The following PPP2R2B variants were observed in gnomAD, a reference collection of about 807,000 sequenced individuals.
PPP2R2B encodes the protein serine/threonine-protein phosphatase 2A 55 kDa regulatory subunit B beta isoform.
Under a neutral mutation model 46.0 loss-of-function variants are expected in PPP2R2B, and 5 were observed. The observed-to-expected ratio is 0.11, with a 90% confidence interval of 0.06 to 0.23. The LOEUF (loss-of-function observed/expected upper bound fraction) is 0.23, where lower values mean the gene tolerates loss of function less well. Among genes scored for constraint, PPP2R2B ranks in the 10% least tolerant of loss-of-function variants. The pLI, the probability that PPP2R2B is intolerant of heterozygous loss-of-function variation, is 1.00. For synonymous variants in PPP2R2B, 215 were observed against 206.7 expected, an observed-to-expected ratio of 1.04 and a Z score of -0.34; for missense variants, 367 against 575.0, an observed-to-expected ratio of 0.64 and a Z score of 3.70.
intron 2 of PPP2R2B, among the ~76,000 whole-genome samples, chr5:146,794,079 C>T (rs1756374831): frequency 6.6e-6 from 1 of 152,174 alleles, no homozygotes; most frequent in South Asian, 2.1e-4. Context: ...TTGACTCTGT[C>T]CAATAACTCT....
chr5:146,906,083 TA>T (rs1474943808), intron 1 of PPP2R2B, among the ~76,000 whole-genome samples: 1 of 152,092 alleles, frequency 6.6e-6, no homozygotes, highest in Non-Finnish European at 1.5e-5. Context: ...AAGTTCTAAA[TA>T]AAAATTAAGT....
rs115765010 is a variant in PPP2R2B, at chr5:146,690,878, C to T, written c.447+250G>A. ...ACAACAGAGGCTAAGATTATAGTAA[C>T]GTCTGGCAGTGGCCATGTGGGCAAG... On this transcript the variant is annotated intron_variant, in intron 5 of 9. Transcript: ENST00000394411. Among the ~76,000 whole-genome samples the T allele has an allele frequency of 3.4e-3, 515 of 152,302 alleles. 3 individuals carry two copies. Among genetic ancestry groups the T allele is most frequent in the African/African-American group, 0.011 (475 of 41,572 alleles).
At chr5:147,080,880 A>G (rs1757950208) in intron 2 of PPP2R2B, among the ~76,000 whole-genome samples, 1 of 152,090 alleles carries the variant, frequency 6.6e-6, no homozygotes, top group Non-Finnish European at 1.5e-5. Context: ...AATAAAATAA[A>G]TTTCAACAGA....
chr5:147,075,039 G>A (rs1244405685), intron 2 of PPP2R2B, among the ~76,000 whole-genome samples: 1 of 152,138 alleles, frequency 6.6e-6, no homozygotes, highest in Non-Finnish European at 1.5e-5. Flanking sequence ...GAAAGAAAAT[G>A]GTTATATGCT....
At chr5:146,978,138 A>AT (rs1415870522) in intron 1 of PPP2R2B, among the ~76,000 whole-genome samples, 1 of 151,974 alleles carries the variant, frequency 6.6e-6, no homozygotes, top group Non-Finnish European at 1.5e-5. Context: ...GATAATGAGC[A>AT]TTTTTTCATA....
In PPP2R2B at chr5:146,728,231, G is replaced by A. The variant is rs3906861; in HGVS notation, c.71-27089C>T. ...ATGGAGAGATACCAATGTAGCAAAT[G>A]TTACCTATGAGATCTCAGAATCAGG... On this transcript the variant is annotated intron_variant, in intron 2 of 9. Transcript: ENST00000394411. Among the ~76,000 whole-genome samples, 547 of 137,460 alleles carry A rather than the reference G, an allele frequency of 4.0e-3. 3 individuals carry two copies. Among genetic ancestry groups the A allele is most frequent in the East Asian group, 0.017 (72 of 4,252 alleles). 90.2% of individuals were successfully genotyped at this position (137,460 alleles called of 152,430 possible). A position where few individuals can be genotyped will look rare whatever the true frequency, so the allele number is the denominator to read the frequency against.
chr5:146,675,279 A>G (rs969630542), intron 5 of PPP2R2B, among the ~76,000 whole-genome samples: 5 of 152,202 alleles, frequency 3.3e-5, no homozygotes, highest in African/African-American at 1.2e-4. Context: ...TATTTTATAC[A>G]ACATAAATTG....
chr5:146,909,451 G>T (rs753228497), intron 1 of PPP2R2B, among the ~76,000 whole-genome samples: 2 of 152,154 alleles, frequency 1.3e-5, no homozygotes, highest in Non-Finnish European at 2.9e-5. Context: ...CCTCTTAAGA[G>T]GTCAGTAAAG....
intron 2 of PPP2R2B, among the ~76,000 whole-genome samples, chr5:146,843,429 A>T (rs764751861): frequency 3.3e-5 from 5 of 152,228 alleles, no homozygotes; most frequent in African/African-American, 7.2e-5. Context: ...AGAGTAGATA[A>T]GGTTTCAAAT....
At chr5:146,872,874 C>A (rs1344476965) in intron 2 of PPP2R2B, among the ~76,000 whole-genome samples, 1 of 152,216 alleles carries the variant, frequency 6.6e-6, no homozygotes, top group East Asian at 1.9e-4. Context: ...CTTCCTTGTA[C>A]TTTCTCACTC....
At chr5:147,061,052 TC>T (rs1177761807) in intron 2 of PPP2R2B, among the ~76,000 whole-genome samples, 1 of 152,192 alleles carries the variant, frequency 6.6e-6, no homozygotes, top group Admixed American at 6.5e-5. Context: ...AGAAAGAGGA[TC>T]CTCTTTGTGG....
chr5:146,753,345 C>T (rs1026070196), intron 2 of PPP2R2B, among the ~76,000 whole-genome samples: 1 of 152,064 alleles, frequency 6.6e-6, no homozygotes, highest in Admixed American at 6.5e-5. Context: ...TGAATACTCT[C>T]CCACACACAG....
chr5:147,020,164 T>C (rs1249805118), intron 1 of PPP2R2B, among the ~76,000 whole-genome samples: 2 of 152,098 alleles, frequency 1.3e-5, no homozygotes, highest in African/African-American at 4.8e-5. Flanking sequence ...TTTTTCTCCA[T>C]AGTCATTCCT....
rs1033374661 is a variant in PPP2R2B, at chr5:146,583,170, A to G, written c.*6777T>C. The G allele has an allele frequency of 1.3e-5, 2 of 151,886 alleles. No homozygotes were observed. Among genetic ancestry groups the G allele is most frequent in the South Asian group, 2.1e-4 (1 of 4,796 alleles). The allele number at this position is 151,886 out of a possible 1,614,324, so 9.4% of individuals were successfully genotyped here. A position where few individuals can be genotyped will look rare whatever the true frequency, so the allele number is the denominator to read the frequency against. Reference sequence around the variant, plus strand: ...TTCTCCTGGATAACTCACTCCCTTTATCTTTCGGATTTCACCTTGGGAATC... The same window carrying G: ...TTCTCCTGGATAACTCACTCCCTTTGTCTTTCGGATTTCACCTTGGGAATC... On this transcript the variant is annotated 3_prime_UTR_variant, in exon 10 of 10. Coordinates refer to ENST00000394411, the MANE Select transcript of PPP2R2B (RefSeq NM_181675.4).
At chr5:147,054,460 T>G in intron 1 of PPP2R2B, 1 of 325,898 alleles carries the variant, frequency 3.1e-6, no homozygotes. Flanking sequence ...CACCAATAAA[T>G]TTTTAAAGGG....
chr5:147,000,566 C>G (rs1190857901), intron 1 of PPP2R2B, among the ~76,000 whole-genome samples: 1 of 151,844 alleles, frequency 6.6e-6, no homozygotes, highest in Admixed American at 6.6e-5. Flanking sequence ...TGCCTAGATC[C>G]CTTGCATGCA....
intron 1 of PPP2R2B, among the ~76,000 whole-genome samples, chr5:146,985,697 A>G (rs904132526): frequency 6.6e-6 from 1 of 152,202 alleles, no homozygotes; most frequent in African/African-American, 2.4e-5. Context: ...TTATTATTCA[A>G]TGTAGTATTG....
intron 2 of PPP2R2B, among the ~76,000 whole-genome samples, chr5:146,769,789 T>C (rs1754726106): frequency 6.6e-6 from 1 of 152,220 alleles, no homozygotes; most frequent in African/African-American, 2.4e-5. Flanking sequence ...AAAGAACTTA[T>C]AGACAAGTGA....
intron 2 of PPP2R2B, among the ~76,000 whole-genome samples, chr5:146,701,954 T>G (rs1186287024): frequency 6.6e-6 from 1 of 151,880 alleles, no homozygotes; most frequent in Non-Finnish European, 1.5e-5. Flanking sequence ...TACCTATGAT[T>G]GGATTTATTA....
Sources: gnomAD v4.1 joint callset for allele counts (sites outside exome capture counted in the v4.1 genomes callset) on GRCh38, gnomAD v4.1.1 for gene constraint, MANE v1.5 for transcripts, NCBI Gene and HGNC (gene_info 2026-07-23, HGNC 2026-07-21) for gene names.